WWOX: variants seen among roughly 807,000 people sequenced by gnomAD.
WWOX encodes WW domain-containing oxidoreductase.
Under a neutral mutation model 46.2 loss-of-function variants are expected in WWOX, and 69 were observed. The observed-to-expected ratio is 1.49, with a 90% CI of 1.23 to 1.82. The LOEUF (loss-of-function observed/expected upper bound fraction) is 1.82, where lower values mean the gene tolerates loss of function less well. Ranked by LOEUF, WWOX falls within the 40% of genes most tolerant of loss-of-function variation. WWOX has a pLI of 0.00. For synonymous variants in WWOX, 359 were observed against 202.6 expected (o/e 1.77, Z -6.56); for missense variants, 919 against 542.6 (o/e 1.69, Z -6.89).
At chr16:78,651,699 A>G (rs1443009652) in intron 8 of WWOX, among the ~76,000 whole-genome samples, 2 of 152,216 alleles carry the variant, frequency 1.3e-5, no homozygotes, top group East Asian at 3.9e-4. Context: ...GTTAAGCATC[A>G]GTACATAACT....
intron 8 of WWOX, among the ~76,000 whole-genome samples, chr16:78,436,092 A>C (rs1342661836): frequency 6.6e-6 from 1 of 152,186 alleles, no homozygotes; most frequent in African/African-American, 2.4e-5. Flanking sequence ...TGACATGCCT[A>C]GCTCAGTGCC....
At chr16:78,373,897 C>T (rs558406013) in intron 5 of WWOX, among the ~76,000 whole-genome samples, 1 of 152,116 alleles carries the variant, frequency 6.6e-6, no homozygotes, top group South Asian at 2.1e-4. Context: ...AAGCAATCCT[C>T]CCACCTCAGC....
At chr16:79,031,425 CAT>C (rs1567500679) in intron 8 of WWOX, among the ~76,000 whole-genome samples, 388 of 151,946 alleles carry the variant, frequency 2.6e-3, no homozygotes, top group South Asian at 7.5e-3. Context: ...ACGCATTAGA[CAT>C]CTTCAAGTGG....
rs937794584 is a variant in WWOX, at chr16:78,197,485, A to C, written c.516+33196A>C. On this transcript the variant is annotated intron_variant, in intron 5 of 8. Coordinates refer to ENST00000566780, the MANE Select transcript of WWOX (RefSeq NM_016373.4). ...TCCATCAAAATGTCTTTGGGATTAAAAATTTTTTTCATATGTTTTGAGGTC... is the reference window on the plus strand; with the variant it reads ...TCCATCAAAATGTCTTTGGGATTAACAATTTTTTTCATATGTTTTGAGGTC... 2.0e-5 allele frequency among the ~76,000 whole-genome samples: 3 copies of C among 152,144 alleles called. No individual in the cohort carries two copies. The East Asian group carries it at 5.8e-4, about 29-fold the overall frequency.
intron 8 of WWOX, among the ~76,000 whole-genome samples, chr16:79,159,164 T>C (rs2050437626): frequency 6.6e-6 from 1 of 152,198 alleles, no homozygotes; most frequent in Non-Finnish European, 1.5e-5. Context: ...TATTTCGCTT[T>C]AACAAGAGAA....
chr16:78,318,686 G>A (rs530678515), intron 5 of WWOX, among the ~76,000 whole-genome samples: 5 of 152,234 alleles, frequency 3.3e-5, no homozygotes, highest in South Asian at 4.1e-4. Flanking sequence ...AGTGCTTTTA[G>A]CTGTACTGTA....
chr16:78,495,978 A>G (rs1304769264), intron 8 of WWOX: 1 of 152,226 alleles, frequency 6.6e-6, no homozygotes, highest in African/African-American at 2.4e-5. Context: ...TTAAACGGAT[A>G]ACCACAGTCT....
At chr16:78,215,793 G>T (rs1400420687) in intron 5 of WWOX, among the ~76,000 whole-genome samples, 1 of 151,994 alleles carries the variant, frequency 6.6e-6, no homozygotes, top group Non-Finnish European at 1.5e-5. Flanking sequence ...GGGTATGGTG[G>T]TGTGTGCCTG....
intron 4 of WWOX, among the ~76,000 whole-genome samples, chr16:78,137,190 AAG>A (rs2033825197): frequency 6.6e-6 from 1 of 152,198 alleles, no homozygotes; most frequent in Non-Finnish European, 1.5e-5. Flanking sequence ...TGCAACCAAT[AAG>A]AGAGTGATGA....
At chr16:78,930,058 G>C (rs577319960) in intron 8 of WWOX, among the ~76,000 whole-genome samples, 1 of 152,170 alleles carries the variant, frequency 6.6e-6, no homozygotes, top group East Asian at 1.9e-4. Flanking sequence ...CGTGTCCTTA[G>C]GGGAAGCATA....
intron 8 of WWOX, chr16:78,525,866 C>T (rs1472981687): frequency 1.4e-5 from 2 of 146,412 alleles, no homozygotes; most frequent in African/African-American, 5.0e-5. Flanking sequence ...AAAAAAAGGG[C>T]AAGGGGAGGT....
intron 8 of WWOX, among the ~76,000 whole-genome samples, chr16:78,900,175 A>G (rs1371607472): frequency 6.6e-6 from 1 of 150,888 alleles, no homozygotes; most frequent in Admixed American, 6.6e-5. Context: ...TCATTTTGCC[A>G]GAGTAGGGTG....
intron 8 of WWOX, among the ~76,000 whole-genome samples, chr16:78,937,263 A>G (rs1478425886): frequency 6.6e-6 from 1 of 152,112 alleles, no homozygotes; most frequent in East Asian, 1.9e-4. Context: ...AGTGACCCAA[A>G]TAATACAAGC....
rs1203621855 is a variant in WWOX, at chr16:78,341,705, C to T, written c.517-45155C>T. ...AGAGCACACAGGTGAGACATAGCAT[C>T]GAGTGTGGAAACCTCCATGGGTGGC... is the stretch of plus-strand genomic sequence containing the variant. On this transcript the variant is annotated intron_variant, in intron 5 of 8. Coordinates refer to ENST00000566780, the MANE Select transcript of WWOX (RefSeq NM_016373.4). Among the ~76,000 whole-genome samples, 5 of 119,664 alleles carry T rather than the reference C, an allele frequency of 4.2e-5. 2 individuals carry two copies. The highest frequency in any genetic ancestry group is 1.6e-4 in the Admixed American group (2 of 12,300). The allele number at this position is 119,664 out of a possible 152,430, so 78.5% of individuals were successfully genotyped here. A position where few individuals can be genotyped will look rare whatever the true frequency, so the allele number is the denominator to read the frequency against.
chr16:78,424,015 C>G (rs977106309), intron 6 of WWOX, among the ~76,000 whole-genome samples: 2 of 151,684 alleles, frequency 1.3e-5, no homozygotes, highest in Admixed American at 1.3e-4. Flanking sequence ...CGATTACCCC[C>G]TTGCTATGTT....
chr16:78,684,411 C>A (rs1225183469), intron 8 of WWOX, among the ~76,000 whole-genome samples: 1 of 152,158 alleles, frequency 6.6e-6, no homozygotes, highest in South Asian at 2.1e-4. Flanking sequence ...ACTGGTTTTG[C>A]AGTTTAGGGC....
At chr16:78,503,124 C>T (rs922746826) in intron 8 of WWOX, among the ~76,000 whole-genome samples, 5 of 152,190 alleles carry the variant, frequency 3.3e-5, no homozygotes, top group African/African-American at 7.2e-5. Context: ...AACTCGCAAG[C>T]GATGTGTGTC....
At chr16:78,794,632 C>G (rs764201359) in intron 8 of WWOX, among the ~76,000 whole-genome samples, 40 of 152,330 alleles carry the variant, frequency 2.6e-4, no homozygotes, top group Non-Finnish European at 4.3e-4. Flanking sequence ...AGCACAATGG[C>G]TGACACATAG....
At chr16:78,609,896 C>T (rs1048605140) in intron 8 of WWOX, among the ~76,000 whole-genome samples, 1 of 152,056 alleles carries the variant, frequency 6.6e-6, no homozygotes, top group Admixed American at 6.6e-5. Flanking sequence ...GATTAATTAC[C>T]AGGTTTCTCT....
Sources: gnomAD v4.1 joint callset for allele counts (sites outside exome capture counted in the v4.1 genomes callset) on GRCh38, gnomAD v4.1.1 for gene constraint, MANE v1.5 for transcripts, NCBI Gene and HGNC (gene_info 2026-07-23, HGNC 2026-07-21) for gene names.